The following ACBD6 variants were observed in gnomAD, a reference collection of about 807,000 sequenced individuals.
ACBD6 encodes the protein acyl-CoA binding domain containing 6.
ACBD6 carries 28 observed loss-of-function variants against 37.2 expected under a neutral mutation model. The ratio of observed to expected loss-of-function variants is 0.75; its 90% CI spans 0.56 to 1.03. ACBD6 has a LOEUF of 1.03. ACBD6 is among the 50% of genes least tolerant of loss of function. ACBD6 has a pLI of 0.00. For missense variants in ACBD6, 340 were observed against 337.4 expected, an observed-to-expected ratio of 1.01 and a Z score of -0.06; for synonymous variants, 113 against 126.8, an observed-to-expected ratio of 0.89 and a Z score of 0.73.
At chr1:180,374,911 T>A (rs1359583677) in intron 6 of ACBD6, among the ~76,000 whole-genome samples, 1 of 152,098 alleles carries the variant, frequency 6.6e-6, no homozygotes, top group African/African-American at 2.4e-5. Flanking sequence ...AAGAAATGTG[T>A]AAAACCTATA....
chr1:180,406,599 T>A (rs951844962), intron 5 of ACBD6, among the ~76,000 whole-genome samples: 6 of 152,126 alleles, frequency 3.9e-5, no homozygotes, highest in African/African-American at 1.4e-4. Context: ...TTATAAATTA[T>A]AGATTCATAG....
intron 5 of ACBD6, among the ~76,000 whole-genome samples, 185 bp from the exon 6 acceptor site, chr1:180,397,790 T>C (rs777136535): frequency 1.3e-5 from 2 of 152,112 alleles, no homozygotes; most frequent in African/African-American, 2.4e-5. Context: ...TGGTGGCTCA[T>C]GCCTGTAATC....
chr1:180,373,587 A>G (rs1653336539), intron 6 of ACBD6, among the ~76,000 whole-genome samples: 1 of 152,178 alleles, frequency 6.6e-6, no homozygotes, highest in African/African-American at 2.4e-5. Flanking sequence ...ATCCATTGGG[A>G]CCAGATTACA....
chr1:180,438,883 C>T (rs72714900), intron 3 of ACBD6, among the ~76,000 whole-genome samples: 8 of 152,232 alleles, frequency 5.3e-5, no homozygotes, highest in Non-Finnish European at 1.0e-4. Context: ...GTTTCACTGC[C>T]CTAAAAATCC....
At chr1:180,359,913 A>T (rs2101902108) in intron 6 of ACBD6, among the ~76,000 whole-genome samples, 1 of 152,352 alleles carries the variant, frequency 6.6e-6, no homozygotes, top group East Asian at 1.9e-4. Context: ...AAAATATTAC[A>T]GACATAGAAA....
chr1:180,448,745 T>C (rs1408409787), intron 3 of ACBD6, among the ~76,000 whole-genome samples: 4 of 152,210 alleles, frequency 2.6e-5, no homozygotes, highest in Non-Finnish European at 5.9e-5. Flanking sequence ...ATTCTCAAGA[T>C]AGTAAGGTAC....
In ACBD6 at chr1:180,413,353, A is replaced by G. The variant is rs1647938076; in HGVS notation, c.573+13T>C. 1 of 1,599,798 alleles carries G rather than the reference A, an allele frequency of 6.3e-7. No individual in the cohort carries two copies. The highest frequency in any genetic ancestry group is 1.3e-5 in the African/African-American group (1 of 74,700). On this transcript the variant is annotated intron_variant, in intron 5 of 7. Coordinates refer to ENST00000367595, the MANE Select transcript of ACBD6 (RefSeq NM_032360.4). ...TGCATAGGAAAATAATTAACAGGGC[A>G]TGTTTTTCATACCTCTTCATCTTTC...
chr1:180,434,200 C>G (rs1320918324), intron 3 of ACBD6, among the ~76,000 whole-genome samples: 1 of 152,090 alleles, frequency 6.6e-6, no homozygotes, highest in Non-Finnish European at 1.5e-5. Flanking sequence ...CCAGCATTAA[C>G]ATTAAAACAG....
intron 6 of ACBD6, among the ~76,000 whole-genome samples, chr1:180,372,917 T>C (rs548339522): frequency 2.6e-5 from 4 of 152,300 alleles, no homozygotes; most frequent in African/African-American, 9.6e-5. Context: ...TTATTGCTAT[T>C]GATCTGCCTG....
chr1:180,393,338 A>G (rs1199843676), intron 6 of ACBD6, among the ~76,000 whole-genome samples: 1 of 152,218 alleles, frequency 6.6e-6, no homozygotes, highest in Admixed American at 6.6e-5. Context: ...GATAGACTGA[A>G]GGGTAAAAAA....
At chr1:180,346,790 A>T (rs1349424668) in intron 6 of ACBD6, among the ~76,000 whole-genome samples, 1 of 152,158 alleles carries the variant, frequency 6.6e-6, no homozygotes, top group Non-Finnish European at 1.5e-5. Context: ...TAATCCCAAT[A>T]CTTTGGGAGG....
chr1:180,481,617 T>G lies in ACBD6; in HGVS notation c.384+10652A>C, dbSNP rs974399449. On this transcript the variant is annotated intron_variant, in intron 3 of 7. Transcript: ENST00000367595. ...GGTAGCTTTTTTCAGGAATTGCTAA[T>G]AGCATCCTACATATCTATATGCTCT... 2.6e-5 allele frequency among the ~76,000 whole-genome samples: 4 copies of G among 152,236 alleles called. No homozygotes were observed. The South Asian group carries it at 8.3e-4, about 31-fold the overall frequency.
At chr1:180,317,952 G>A (rs573837153) in intron 6 of ACBD6, among the ~76,000 whole-genome samples, 55 of 152,214 alleles carry the variant, frequency 3.6e-4, no homozygotes, top group African/African-American at 1.2e-3. Context: ...CAAGGTGGGC[G>A]GATTGCCTGA....
intron 7 of ACBD6, among the ~76,000 whole-genome samples, chr1:180,308,806 A>G (rs1314965248): frequency 6.6e-6 from 1 of 152,290 alleles, no homozygotes; most frequent in East Asian, 1.9e-4. Flanking sequence ...CGCTATAGAT[A>G]CTGGGTTCTT....
At chr1:180,379,161 C>T (rs1449684899) in intron 6 of ACBD6, among the ~76,000 whole-genome samples, 2 of 152,142 alleles carry the variant, frequency 1.3e-5, no homozygotes, top group Non-Finnish European at 1.5e-5. Flanking sequence ...ATGCTATTTA[C>T]AGTTGAAGAA....
At chr1:180,477,134 G>C (rs115079979) in intron 3 of ACBD6, among the ~76,000 whole-genome samples, 399 of 152,164 alleles carry the variant, frequency 2.6e-3, no homozygotes, top group African/African-American at 9.4e-3. Flanking sequence ...TCTTGACAAA[G>C]GGATGTATGG....
At chr1:180,285,892 A>T (rs1236575737), downstream of ACBD6, among the ~76,000 whole-genome samples, 1 of 152,074 alleles carries the variant, frequency 6.6e-6, no homozygotes, top group Non-Finnish European at 1.5e-5. Context: ...ATAAGAGATT[A>T]TATGTGGCCA....
intron 3 of ACBD6, among the ~76,000 whole-genome samples, chr1:180,447,118 C>A (rs1281051596): frequency 6.6e-6 from 1 of 152,088 alleles, no homozygotes; most frequent in Non-Finnish European, 1.5e-5. Context: ...CTTAAATTAG[C>A]ATTGGAAAAT....
intron 6 of ACBD6, among the ~76,000 whole-genome samples, chr1:180,367,953 T>C (rs759793823): frequency 3.3e-5 from 5 of 152,200 alleles, no homozygotes; most frequent in Non-Finnish European, 5.9e-5. Flanking sequence ...TTTAGCTCTT[T>C]GAGGAACCGC....
Sources: gnomAD v4.1 joint callset for allele counts (sites outside exome capture counted in the v4.1 genomes callset) on GRCh38, gnomAD v4.1.1 for gene constraint, MANE v1.5 for transcripts, NCBI Gene and HGNC (gene_info 2026-07-23, HGNC 2026-07-21) for gene names.